Variants in DOC2B observed in about 807,000 individuals in gnomAD.
The protein encoded by DOC2B is double C2 domain beta, also known as double C2-like domain-containing protein beta.
DOC2B carries 21 observed loss-of-function variants against 28.9 expected under a neutral mutation model. The observed-to-expected ratio is 0.73, with a 90% CI of 0.52 to 1.05. The LOEUF (loss-of-function observed/expected upper bound fraction) is 1.05. DOC2B is among the 50% of genes least tolerant of loss of function. The probability of loss-of-function intolerance (pLI) is 0.00; values close to 1 mark genes in which losing one functional copy is unlikely to be tolerated. For missense variants in DOC2B, 384 were observed against 421.1 expected (o/e 0.91, Z 0.77); for synonymous variants, 194 against 178.1 (o/e 1.09, Z -0.71).
intron 6 of DOC2B, chr17:155,926 C>G: frequency 2.5e-6 from 1 of 394,474 alleles, no homozygotes; most frequent in Non-Finnish European, 4.5e-6. Flanking sequence ...AACTCATGGC[C>G]CCTCCTGGGC....
chr17:160,653 AC>A (rs1555523103), intron 5 of DOC2B, among the ~76,000 whole-genome samples: 1 of 151,706 alleles, frequency 6.6e-6, no homozygotes, highest in African/African-American at 2.4e-5. Flanking sequence ...ATTTCTCTTG[AC>A]CCCAGTGGCA....
intron 5 of DOC2B, among the ~76,000 whole-genome samples, chr17:156,992 C>T (rs769091264): frequency 1.1e-4 from 17 of 152,208 alleles, no homozygotes; most frequent in Non-Finnish European, 2.4e-4. Context: ...GTTGTTGGAA[C>T]GCAGCCTTGC....
Position 148,420 on chromosome 17 carries a change from T to G in DOC2B, c.1006-151A>C, listed in dbSNP as rs943583598. The stretch of plus-strand genomic sequence containing the variant: ...GTGGATGCTCACATGTCTCGCCCAC[T>G]TCCCCCTGAGCTCCACTGGGGTCTT... On this transcript the variant is annotated intron_variant, in intron 7 of 8. Coordinates refer to ENST00000613549, the MANE Select transcript of DOC2B (RefSeq NM_003585.5). 1.8e-4 allele frequency among the ~76,000 whole-genome samples: 27 copies of G among 152,152 alleles called. No homozygotes were observed. The East Asian group carries it at 5.2e-3, about 30-fold the overall frequency.
rs145358347 is a variant in DOC2B at position 158,396 on chromosome 17, C to T, written c.766-2019G>A. On this transcript the variant is annotated intron_variant, in intron 5 of 8. Coordinates refer to ENST00000613549, the MANE Select transcript of DOC2B (RefSeq NM_003585.5). ...CCAGCCACCTCCTTTTGCCCACAAC[C>T]GTGCCCTGCCTAACACCAAAGTGAG... Among the ~76,000 whole-genome samples, 74 of 152,272 alleles carry T rather than the reference C, an allele frequency of 4.9e-4. No individual in the cohort carries two copies. The East Asian group carries it at 0.01, about 21-fold the overall frequency.
At chr17:156,603 T>A (rs2040138997) in intron 5 of DOC2B, among the ~76,000 whole-genome samples, 1 of 152,206 alleles carries the variant, frequency 6.6e-6, no homozygotes, top group Non-Finnish European at 1.5e-5. Flanking sequence ...CTTGGCTGCA[T>A]GTGGCCTACG....
rs1555523249 is a variant in DOC2B at position 161,554 on chromosome 17, G to A, written c.639-13C>T. ...ACACACAGAGATCCTAGAGGGGGCG[G>A]TGGTGAGGGGCACAGCCAGTGCCTC... On this transcript the variant is annotated splice_polypyrimidine_tract_variant and intron_variant, in intron 4 of 8. Transcript: ENST00000613549. 6.4e-7 allele frequency: 1 copy of A among 1,551,582 alleles called. No individual in the cohort carries two copies. Among genetic ancestry groups the A allele is most frequent in the Non-Finnish European group, 8.7e-7 (1 of 1,146,954 alleles).
intron 5 of DOC2B, among the ~76,000 whole-genome samples, chr17:160,926 C>T (rs2040194549): frequency 6.6e-6 from 1 of 152,138 alleles, no homozygotes. Context: ...GTCCTGTCCA[C>T]CCGTGGTCCC....
intron 5 of DOC2B, among the ~76,000 whole-genome samples, chr17:158,669 G>A (rs1048334228): frequency 7.9e-5 from 12 of 152,240 alleles, no homozygotes; most frequent in Non-Finnish European, 1.5e-4. Context: ...GCTATCTGCC[G>A]CTCAGGCAGA....
At chr17:149,407 C>T (rs955027369) in intron 6 of DOC2B, among the ~76,000 whole-genome samples, 9,519 of 152,194 alleles carry the variant, frequency 0.063, 339 homozygotes, top group African/African-American at 0.085. Context: ...CACTTCTGTT[C>T]ACACACACAT....
rs1408298152 is a variant in DOC2B at position 143,232 on chromosome 17, C to G, written c.*4209G>C. ...CCCCATCTGTAACTTGAGGGCCTAC[C>G]TCAAATGGGTCCCTGGTGAAGAGTA... On this transcript the variant is annotated 3_prime_UTR_variant, in exon 9 of 9. Transcript: ENST00000613549. 2.0e-5 allele frequency: 3 copies of G among 152,154 alleles called. No homozygotes were observed. The highest frequency in any genetic ancestry group is 7.2e-5 in the African/African-American group (3 of 41,426). 9.4% of individuals were successfully genotyped at this position (152,154 alleles called of 1,614,324 possible).
intron 5 of DOC2B, among the ~76,000 whole-genome samples, chr17:159,720 G>A (rs886963584): frequency 2.3e-4 from 35 of 152,258 alleles, no homozygotes; most frequent in Non-Finnish European, 2.8e-4. Context: ...GTCCCTGAAC[G>A]GCACCAATGG....
intron 4 of DOC2B, 22 bp from the exon 5 acceptor site, chr17:161,563 G>C (rs181448379): frequency 1.3e-6 from 2 of 1,551,418 alleles, no homozygotes; most frequent in Admixed American, 2.0e-5. Context: ...GGTGGTGAGG[G>C]GCACAGCCAG....
rs2151456931 is a variant in DOC2B at position 147,595 on chromosome 17, G to A, written c.1103-18C>T. ...CACACCACCTGCAGGAGGACAGGAGGGGCAGCTGGGGCACAGGGACCCCCA... is the reference window on the plus strand; with the variant it reads ...CACACCACCTGCAGGAGGACAGGAGAGGCAGCTGGGGCACAGGGACCCCCA... On this transcript the variant is annotated intron_variant, in intron 8 of 8. Transcript: ENST00000613549. The A allele has an allele frequency of 5.0e-6, 2 of 398,838 alleles. No homozygotes were observed. The highest frequency in any genetic ancestry group is 7.1e-5 in the East Asian group (2 of 28,072). The allele number at this position is 398,838 out of a possible 1,614,324, so 24.7% of individuals were successfully genotyped here. A position where few individuals can be genotyped will look rare whatever the true frequency, so the allele number is the denominator to read the frequency against.
intron 3 of DOC2B, among the ~76,000 whole-genome samples, 184 bp from the exon 4 acceptor site, chr17:162,374 C>A (rs2040215484): frequency 6.6e-6 from 1 of 152,064 alleles, no homozygotes; most frequent in African/African-American, 2.4e-5. Flanking sequence ...GGAGATTATC[C>A]TAGATTGTTG....
chr17:161,645 C>T lies in DOC2B; in HGVS notation c.639-104G>A. 9.3e-6 allele frequency: 14 copies of T among 1,510,962 alleles called. 1 individual carries two copies. The South Asian group carries it at 1.3e-4, about 14-fold the overall frequency. The allele number at this position is 1,510,962 out of a possible 1,614,324, so 93.6% of individuals were successfully genotyped here. A position where few individuals can be genotyped will look rare whatever the true frequency, so the allele number is the denominator to read the frequency against. On this transcript the variant is annotated intron_variant, in intron 4 of 8. Transcript: ENST00000613549. ...AGCCCTGGCTTCTCCTGCCCCAAGC[C>T]CTGCCCTGGTCTGGGGTGGGAGACG...
chr17:175,925 C>T lies in DOC2B; in HGVS notation c.374-3309G>A, dbSNP rs1038890243. Among the ~76,000 whole-genome samples, 3 of 152,204 alleles carry T rather than the reference C, an allele frequency of 2.0e-5. No homozygotes were observed. The East Asian group carries it at 5.8e-4, about 29-fold the overall frequency. On this transcript the variant is annotated intron_variant, in intron 1 of 8. Transcript: ENST00000613549. The stretch of plus-strand genomic sequence containing the variant: ...GGAAGGAACAGCACACCCAGTGTGT[C>T]ACCAGGAAGGGACTGATGAATTTCT...
rs963020508 is a variant in DOC2B at position 145,983 on chromosome 17, C to T, written c.*1458G>A. The T allele has an allele frequency of 3.9e-5, 6 of 152,438 alleles. No individual in the cohort carries two copies. The highest frequency in any genetic ancestry group is 7.3e-5 in the Non-Finnish European group (5 of 68,182). The allele number at this position is 152,438 out of a possible 1,614,324, so 9.4% of individuals were successfully genotyped here. ...CTTGGCTCTGCATTTGTTCACCCAG[C>T]GTTCCTGAGGGGCCCTTGGTAGGCA... On this transcript the variant is annotated 3_prime_UTR_variant, in exon 9 of 9. Coordinates refer to ENST00000613549, the MANE Select transcript of DOC2B (RefSeq NM_003585.5).
At position 162,163 on chromosome 17, in the gene DOC2B, G is replaced by C; in HGVS notation, c.556C>G (p.Arg186Gly). Residue 186 changes from arginine (R) to glycine (G), a missense_variant, in exon 4 of 9, where the codon CGT (arginine) becomes GGT (glycine). Transcript: ENST00000613549. ...TTCCATGTGGGGTTCAGAGTGTTAC[G>C]GAGAGTTTTTGTTCTGAGCTTATTT... ...KANKLRTKTL[R>G]NTLNPTWNET... 1 of 1,551,814 alleles carries C rather than the reference G, an allele frequency of 6.4e-7. No homozygotes were observed. Among genetic ancestry groups the C allele is most frequent in the East Asian group, 2.4e-5 (1 of 40,918 alleles).
At chr17:165,237 G>A (rs1044629934) in intron 2 of DOC2B, among the ~76,000 whole-genome samples, 4 of 152,088 alleles carry the variant, frequency 2.6e-5, no homozygotes, top group Non-Finnish European at 5.9e-5. Flanking sequence ...GGCCGGGCAC[G>A]GTGGCTCACG....
Sources: gnomAD v4.1 joint callset for allele counts (sites outside exome capture counted in the v4.1 genomes callset) on GRCh38, gnomAD v4.1.1 for gene constraint, MANE v1.5 for transcripts, NCBI Gene and HGNC (gene_info 2026-07-23, HGNC 2026-07-21) for gene names.